SRPK2: variants seen among roughly 807,000 people sequenced by gnomAD.
The protein encoded by SRPK2 is SFRS protein kinase 2.
In SRPK2, 21 loss-of-function variants were observed where a neutral mutation model predicts 90.8. The observed-to-expected ratio is 0.23, with a 90% CI of 0.16 to 0.33. The LOEUF (loss-of-function observed/expected upper bound fraction) is 0.33, where lower values mean the gene tolerates loss of function less well. Among genes scored for constraint, SRPK2 ranks in the 10% least tolerant of loss-of-function variants. SRPK2 has a pLI of 1.00. For missense variants in SRPK2, 620 were observed against 869.0 expected (o/e 0.71, Z 3.60); for synonymous variants, 288 against 311.1 (o/e 0.93, Z 0.78).
At position 105,388,863 on chromosome 7, in the gene SRPK2, C is replaced by T; in HGVS notation, c.-57G>A. On this transcript the variant is annotated 5_prime_UTR_variant, in exon 1 of 16. Coordinates refer to ENST00000393651, the MANE Select transcript of SRPK2 (RefSeq NM_182692.3). ...CGCGACGGCGACGCGGGCGCCGAGA[C>T]GAGCTGGGCTGCAGCCTCCACTCGC... is the stretch of plus-strand genomic sequence containing the variant. 1 of 1,306,398 alleles carries T rather than the reference C, an allele frequency of 7.7e-7. No individual in the cohort carries two copies. Among genetic ancestry groups the T allele is most frequent in the East Asian group, 3.2e-5 (1 of 31,498 alleles). 80.9% of individuals were successfully genotyped at this position (1,306,398 alleles called of 1,614,324 possible). A position where few individuals can be genotyped will look rare whatever the true frequency, so the allele number is the denominator to read the frequency against.
chr7:105,259,695 C>A (rs1241201433), intron 2 of SRPK2, among the ~76,000 whole-genome samples: 1 of 152,168 alleles, frequency 6.6e-6, no homozygotes, highest in Admixed American at 6.6e-5. Flanking sequence ...GAGATATAGA[C>A]CAATGGAACA....
intron 2 of SRPK2, among the ~76,000 whole-genome samples, chr7:105,376,999 A>T (rs894082188): frequency 6.6e-6 from 1 of 152,018 alleles, no homozygotes; most frequent in African/African-American, 2.4e-5. Flanking sequence ...TTACAGCTGC[A>T]AGGTTGCTTT....
intron 2 of SRPK2, among the ~76,000 whole-genome samples, chr7:105,373,288 ACG>A (rs1819905661): frequency 6.6e-6 from 1 of 151,854 alleles, no homozygotes; most frequent in Non-Finnish European, 1.5e-5. Context: ...CGATAAACAA[ACG>A]TAATAAATTT....
chr7:105,223,793 A>G lies in SRPK2; in HGVS notation c.72-20008T>C, dbSNP rs185200994. ...ATGAAATCAATACACAGCTTTTTTA[A>G]AAAATGAAATAAAAGTATAAAATAC... On this transcript the variant is annotated intron_variant, in intron 2 of 15. Coordinates refer to ENST00000393651, the MANE Select transcript of SRPK2 (RefSeq NM_182692.3). Among the ~76,000 whole-genome samples, 558 of 152,358 alleles carry G rather than the reference A, an allele frequency of 3.7e-3. 3 individuals carry two copies. The highest frequency in any genetic ancestry group is 6.2e-3 in the Non-Finnish European group (422 of 68,042).
chr7:105,199,250 G>T (rs907178310), intron 3 of SRPK2, among the ~76,000 whole-genome samples: 1 of 152,144 alleles, frequency 6.6e-6, no homozygotes, highest in Non-Finnish European at 1.5e-5. Context: ...TTCCTGTGAT[G>T]AACAAATTTT....
At chr7:105,370,100 AC>A (rs1349742681) in intron 2 of SRPK2, among the ~76,000 whole-genome samples, 2 of 152,152 alleles carry the variant, frequency 1.3e-5, no homozygotes, top group Non-Finnish European at 2.9e-5. Flanking sequence ...CAACCTTTGT[AC>A]CCTGGATGTT....
chr7:105,336,317 T>G (rs1259461882), intron 2 of SRPK2, among the ~76,000 whole-genome samples: 2 of 152,236 alleles, frequency 1.3e-5, no homozygotes, highest in Non-Finnish European at 2.9e-5. Context: ...AAATGGTGGC[T>G]TGACTTTTGA....
At chr7:105,330,983 G>A (rs1047178803) in intron 2 of SRPK2, among the ~76,000 whole-genome samples, 4 of 151,898 alleles carry the variant, frequency 2.6e-5, no homozygotes, top group Non-Finnish European at 4.4e-5. Flanking sequence ...GACAAAAGGC[G>A]AGACTCTGTG....
chr7:105,382,304 G>C (rs1260659931), intron 2 of SRPK2, among the ~76,000 whole-genome samples: 1 of 152,032 alleles, frequency 6.6e-6, no homozygotes, highest in Non-Finnish European at 1.5e-5. Flanking sequence ...TATAATCCCA[G>C]CACTTTGGGA....
rs1261804126 is a variant in SRPK2, at chr7:105,163,443, G to A, written c.515-2830C>T. On this transcript the variant is annotated intron_variant, in intron 6 of 15. Coordinates refer to ENST00000393651, the MANE Select transcript of SRPK2 (RefSeq NM_182692.3). Reference sequence around the variant, plus strand: ...TGAATAACCGGTTTTAAGAAGGGATGAGATAATGTTGAAGATGAAGCCTGC... The same window carrying A: ...TGAATAACCGGTTTTAAGAAGGGATAAGATAATGTTGAAGATGAAGCCTGC... Among the ~76,000 whole-genome samples the A allele has an allele frequency of 2.6e-5, 4 of 152,232 alleles. No individual in the cohort carries two copies. In the East Asian group the frequency reaches 5.8e-4, roughly 22 times the overall value.
chr7:105,146,930 A>T (rs1477418624), intron 7 of SRPK2, among the ~76,000 whole-genome samples: 1 of 152,302 alleles, frequency 6.6e-6, no homozygotes, highest in East Asian at 1.9e-4. Flanking sequence ...ACAGGTTTGA[A>T]CTGCATGGGT....
rs551288759 is a variant in SRPK2, at chr7:105,151,399, T to C, written c.622-4741A>G. 6.6e-5 allele frequency among the ~76,000 whole-genome samples: 10 copies of C among 152,320 alleles called. No individual in the cohort carries two copies. The East Asian group carries it at 1.9e-3, about 29-fold the overall frequency. On this transcript the variant is annotated intron_variant, in intron 7 of 15. Transcript: ENST00000393651. The stretch of plus-strand genomic sequence containing the variant: ...CACCTGTTACACACAAATGTAGCAA[T>C]AAGCTTTAGAAATAATCTACGGAAA...
intron 7 of SRPK2, among the ~76,000 whole-genome samples, chr7:105,156,529 C>A (rs999491873): frequency 3.9e-5 from 6 of 152,122 alleles, no homozygotes; most frequent in African/African-American, 1.4e-4. Flanking sequence ...AAGAGACAGT[C>A]TTGTTCTGTC....
intron 2 of SRPK2, among the ~76,000 whole-genome samples, chr7:105,364,999 A>C (rs980827127): frequency 2.6e-5 from 4 of 152,190 alleles, no homozygotes; most frequent in African/African-American, 9.6e-5. Context: ...TCAAGGTTCA[A>C]GGTTAGCAGC....
intron 5 of SRPK2, among the ~76,000 whole-genome samples, chr7:105,167,753 G>T (rs1419273904): frequency 1.3e-5 from 2 of 151,992 alleles, no homozygotes; most frequent in Non-Finnish European, 2.9e-5. Context: ...TGAGATTACA[G>T]GTGCCCACCA....
upstream of SRPK2, chr7:105,389,424 T>G (rs1036377929): frequency 4.2e-6 from 5 of 1,203,504 alleles, no homozygotes; most frequent in Non-Finnish European, 5.3e-6. Flanking sequence ...GACCAAAAGC[T>G]GGGAAACCTG....
At chr7:105,246,286 CCCCTCA>C (rs1471317971) in intron 2 of SRPK2, among the ~76,000 whole-genome samples, 2 of 152,136 alleles carry the variant, frequency 1.3e-5, no homozygotes, top group African/African-American at 4.8e-5. Context: ...TTATTCCCTC[CCCCTCA>C]CCCTGCAACA....
At chr7:105,163,771 A>G (rs1026941645) in intron 6 of SRPK2, among the ~76,000 whole-genome samples, 1 of 152,180 alleles carries the variant, frequency 6.6e-6, no homozygotes, top group African/African-American at 2.4e-5. Context: ...TGACTGCACC[A>G]TTGCACTCCA....
intron 3 of SRPK2, among the ~76,000 whole-genome samples, chr7:105,194,879 C>T (rs1213190625): frequency 6.6e-6 from 1 of 152,052 alleles, no homozygotes; most frequent in Non-Finnish European, 1.5e-5. Context: ...AACCCCCATA[C>T]ATTCTGTCTA....
Sources: gnomAD v4.1 joint callset for allele counts (sites outside exome capture counted in the v4.1 genomes callset) on GRCh38, gnomAD v4.1.1 for gene constraint, MANE v1.5 for transcripts, NCBI Gene and HGNC (gene_info 2026-07-23, HGNC 2026-07-21) for gene names.